The following ZFHX3 variants were observed in gnomAD, a reference collection of about 807,000 sequenced individuals.
ZFHX3 encodes the protein zinc finger homeobox protein 3.
In ZFHX3, 42 loss-of-function variants were observed where a neutral mutation model predicts 279.1. The observed-to-expected ratio is 0.15, with a 90% confidence interval of 0.12 to 0.19. The LOEUF is 0.19. ZFHX3 is among the 10% of genes least tolerant of loss of function. The pLI is 1.00. For synonymous variants in ZFHX3, 2,293 were observed against 1,957.8 expected (o/e 1.17, Z -4.52); for missense variants, 4,981 against 4,754.0 (o/e 1.05, Z -1.40).
intron 2 of ZFHX3, among the ~76,000 whole-genome samples, chr16:73,666,988 C>A (rs1037937104): frequency 2.2e-4 from 33 of 151,762 alleles, no homozygotes; most frequent in Non-Finnish European, 3.7e-4. Flanking sequence ...AGATATACAA[C>A]TTATTTATTT....
At chr16:73,235,638 G>A (rs566169334) in intron 5 of ZFHX3, among the ~76,000 whole-genome samples, 1 of 152,098 alleles carries the variant, frequency 6.6e-6, no homozygotes, top group Admixed American at 6.5e-5. Flanking sequence ...TGTTCCAAGA[G>A]GTGGTAGAGA....
At chr16:73,208,856 G>A (rs1003923756) in intron 5 of ZFHX3, among the ~76,000 whole-genome samples, 1 of 152,232 alleles carries the variant, frequency 6.6e-6, no homozygotes, top group Non-Finnish European at 1.5e-5. Flanking sequence ...AACAGTGAAA[G>A]TCTTTTTATC....
At chr16:73,257,928 A>G (rs1479262824) in intron 4 of ZFHX3, among the ~76,000 whole-genome samples, 1 of 152,150 alleles carries the variant, frequency 6.6e-6, no homozygotes, top group Non-Finnish European at 1.5e-5. Flanking sequence ...CTGAATAAAT[A>G]TTTTTTGGGT....
rs550595885 is a variant in ZFHX3, at chr16:73,632,310, C to A, written c.-1547+47870G>T. Among the ~76,000 whole-genome samples, 25 of 152,330 alleles carry A rather than the reference C, an allele frequency of 1.6e-4. No homozygotes were observed. In the South Asian group the frequency reaches 3.1e-3, roughly 19 times the overall value. ...ATATGTTGGATTATCAAAGCTCACTCTTGCCCCATCAGTACCTAAAACTTA... is the reference window on the plus strand; with the variant it reads ...ATATGTTGGATTATCAAAGCTCACTATTGCCCCATCAGTACCTAAAACTTA... On this transcript the variant is annotated intron_variant, in intron 2 of 17. Coordinates refer to the ZFHX3 transcript ENST00000641206.
intron 1 of ZFHX3, among the ~76,000 whole-genome samples, chr16:73,866,448 C>T (rs2142395570): frequency 6.6e-6 from 1 of 151,966 alleles, no homozygotes; most frequent in South Asian, 2.1e-4. Flanking sequence ...CAGGTATGAG[C>T]CACCACCCCC....
intron 5 of ZFHX3, among the ~76,000 whole-genome samples, chr16:73,174,297 AACAACAAC>A (rs1341353757): frequency 1.3e-5 from 2 of 151,784 alleles, no homozygotes; most frequent in Non-Finnish European, 2.9e-5. Flanking sequence ...CAACAACAAC[AACAACAAC>A]AACAAAAGGA....
At chr16:73,399,477 A>G (rs1468209665) in intron 3 of ZFHX3, among the ~76,000 whole-genome samples, 1 of 152,036 alleles carries the variant, frequency 6.6e-6, no homozygotes, top group Non-Finnish European at 1.5e-5. Flanking sequence ...GTTTTTTATA[A>G]TCCTTCTTTT....
At chr16:73,111,257 C>A (rs1966369980) in intron 7 of ZFHX3, among the ~76,000 whole-genome samples, 1 of 152,112 alleles carries the variant, frequency 6.6e-6, no homozygotes, top group Non-Finnish European at 1.5e-5. Context: ...TTTCTATTAT[C>A]CTATTCGATT....
chr16:73,698,532 T>C (rs1411517542), intron 1 of ZFHX3, among the ~76,000 whole-genome samples: 1 of 152,180 alleles, frequency 6.6e-6, no homozygotes, highest in African/African-American at 2.4e-5. Flanking sequence ...GATAACGTCG[T>C]CAGTAATAAG....
chr16:73,466,393 G>A (rs2018571031), intron 2 of ZFHX3, among the ~76,000 whole-genome samples: 1 of 152,140 alleles, frequency 6.6e-6, no homozygotes, highest in Non-Finnish European at 1.5e-5. Context: ...TGAGGTGGGA[G>A]GATCACTTGA....
At chr16:73,430,710 G>A (rs2017895342) in intron 3 of ZFHX3, among the ~76,000 whole-genome samples, 1 of 152,214 alleles carries the variant, frequency 6.6e-6, no homozygotes, top group Non-Finnish European at 1.5e-5. Flanking sequence ...TGCCTTTGCT[G>A]CAGGTCATGA....
chr16:73,454,956 C>T (rs1358004031), intron 3 of ZFHX3, among the ~76,000 whole-genome samples: 1 of 151,774 alleles, frequency 6.6e-6, no homozygotes, highest in Non-Finnish European at 1.5e-5. Context: ...GATTTATCTT[C>T]TCCAAGTTCA....
intron 5 of ZFHX3, among the ~76,000 whole-genome samples, chr16:73,216,691 A>G (rs1356690415): frequency 6.6e-6 from 1 of 152,076 alleles, no homozygotes; most frequent in African/African-American, 2.4e-5. Flanking sequence ...TGAACTCAGG[A>G]GGCTGAGCTT....
chr16:73,468,718 A>G (rs1301664599), intron 2 of ZFHX3, among the ~76,000 whole-genome samples: 1 of 152,112 alleles, frequency 6.6e-6, no homozygotes, highest in African/African-American at 2.4e-5. Flanking sequence ...AAAAAATTAT[A>G]CTACTATGAA....
At chr16:73,147,646 C>T (rs1396878853) in intron 5 of ZFHX3, among the ~76,000 whole-genome samples, 2 of 139,500 alleles carry the variant, frequency 1.4e-5, no homozygotes, top group Non-Finnish European at 3.0e-5. Flanking sequence ...GAGCCGAGAT[C>T]GCGCCACCGC....
At chr16:73,793,817 T>C (rs1033435606) in intron 1 of ZFHX3, among the ~76,000 whole-genome samples, 14 of 152,202 alleles carry the variant, frequency 9.2e-5, no homozygotes, top group African/African-American at 3.4e-4. Context: ...GCAGAGACGC[T>C]GGCATGTGCC....
At chr16:73,879,181 A>G (rs939130785) in intron 1 of ZFHX3, among the ~76,000 whole-genome samples, 1 of 151,096 alleles carries the variant, frequency 6.6e-6, no homozygotes, top group Non-Finnish European at 1.5e-5. Context: ...ATTTTTCGCA[A>G]GCAGTTTGTG....
intron 3 of ZFHX3, among the ~76,000 whole-genome samples, chr16:73,328,936 C>T (rs1474457358): frequency 2.6e-5 from 4 of 152,198 alleles, no homozygotes; most frequent in Non-Finnish European, 4.4e-5. Context: ...TCCTCTTCAG[C>T]GAATTAGCAC....
intron 1 of ZFHX3, among the ~76,000 whole-genome samples, chr16:73,010,223 A>G (rs1207106819): frequency 1.3e-5 from 2 of 152,050 alleles, no homozygotes; most frequent in Non-Finnish European, 2.9e-5. Context: ...CCACCCTAGG[A>G]GCCTGGCACA....
Sources: allele counts gnomAD v4.1 joint callset (sites outside exome capture counted in the v4.1 genomes callset), GRCh38; gene constraint gnomAD v4.1.1; transcripts MANE v1.5; gene names NCBI Gene and HGNC (gene_info 2026-07-23, HGNC 2026-07-21).